AOPEP: variants seen among roughly 807,000 people sequenced by gnomAD.
The protein encoded by AOPEP is aminopeptidase O (putative), also known as aminopeptidase O.
AOPEP carries 77 observed loss-of-function variants against 98.1 expected under a neutral mutation model. The observed-to-expected ratio is 0.78, with a 90% confidence interval of 0.65 to 0.95. AOPEP has a LOEUF of 0.95. AOPEP is among the 40% of genes least tolerant of loss of function. The pLI is 0.00. For synonymous variants in AOPEP, 346 were observed against 365.3 expected, an observed-to-expected ratio of 0.95 and a Z score of 0.60; for missense variants, 1,024 against 1,024.7, an observed-to-expected ratio of 1.00 and a Z score of 0.01.
chr9:94,793,847 TC>T (rs1846316231), intron 4 of AOPEP, among the ~76,000 whole-genome samples: 1 of 152,242 alleles, frequency 6.6e-6, no homozygotes, highest in African/African-American at 2.4e-5. Context: ...ATTCAATGCC[TC>T]CTCTCCTCCC....
intron 5 of AOPEP, among the ~76,000 whole-genome samples, chr9:94,880,661 G>A (rs1360250211): frequency 6.6e-6 from 1 of 152,078 alleles, no homozygotes; most frequent in East Asian, 1.9e-4. Flanking sequence ...TGGTCCCATT[G>A]TTTCCATAAT....
At chr9:94,976,906 A>G (rs1307705204) in intron 10 of AOPEP, among the ~76,000 whole-genome samples, 1 of 151,996 alleles carries the variant, frequency 6.6e-6, no homozygotes, top group African/African-American at 2.4e-5. Flanking sequence ...GCCTCAAGTG[A>G]TCCTCCTGCC....
chr9:94,824,371 C>T (rs1350491115), intron 5 of AOPEP: 2 of 152,180 alleles, frequency 1.3e-5, no homozygotes, highest in South Asian at 4.1e-4. Context: ...GAGATGATTA[C>T]CATCGTTGTA....
intron 5 of AOPEP, among the ~76,000 whole-genome samples, chr9:94,823,752 A>G (rs911892726): frequency 6.6e-6 from 1 of 152,222 alleles, no homozygotes; most frequent in African/African-American, 2.4e-5. Context: ...AGAGTTTTAC[A>G]ATAGCCTCAG....
intron 13 of AOPEP, among the ~76,000 whole-genome samples, chr9:95,046,214 C>A (rs1303675014): frequency 6.6e-6 from 1 of 152,212 alleles, no homozygotes; most frequent in Non-Finnish European, 1.5e-5. Flanking sequence ...GAAATACTCT[C>A]AAGACCTTTT....
intron 13 of AOPEP, among the ~76,000 whole-genome samples, chr9:95,039,843 TGGCA>T (rs1380484965): frequency 6.6e-6 from 1 of 152,242 alleles, no homozygotes; most frequent in Non-Finnish European, 1.5e-5. Context: ...TGATTTGTGA[TGGCA>T]GACTAAGATT....
intron 11 of AOPEP, among the ~76,000 whole-genome samples, chr9:94,989,306 G>GT (rs1261199049): frequency 6.6e-6 from 1 of 152,080 alleles, no homozygotes; most frequent in Admixed American, 6.5e-5. Context: ...GTTTCACTGT[G>GT]TTAGCGAGGA....
intron 5 of AOPEP, among the ~76,000 whole-genome samples, chr9:94,911,372 C>T (rs2052008096): frequency 6.6e-6 from 1 of 152,258 alleles, no homozygotes; most frequent in Admixed American, 6.5e-5. Context: ...GTGGCATTCA[C>T]ATCCATGCTG....
At chr9:94,899,758 CAAACAA>C (rs1434485923) in intron 5 of AOPEP, among the ~76,000 whole-genome samples, 1 of 151,608 alleles carries the variant, frequency 6.6e-6, no homozygotes, top group Non-Finnish European at 1.5e-5. Flanking sequence ...TAAAAAAAAA[CAAACAA>C]AAACAAAAAT....
chr9:94,818,681 T>A (rs1194082893), intron 5 of AOPEP, among the ~76,000 whole-genome samples: 2 of 152,222 alleles, frequency 1.3e-5, no homozygotes, highest in African/African-American at 4.8e-5. Context: ...ATGTATTTTT[T>A]AGTTCCTTTT....
At chr9:95,110,247 A>C in the AOPEP span, 9 of 1,006,482 alleles carry the variant, frequency 8.9e-6, no homozygotes, top group Non-Finnish European at 9.5e-6. Flanking sequence ...TGAATAATTT[A>C]TTTCTTTATA....
At chr9:94,745,326 G>T (rs1161294792) in intron 1 of AOPEP, among the ~76,000 whole-genome samples, 1 of 151,436 alleles carries the variant, frequency 6.6e-6, no homozygotes, top group Non-Finnish European at 1.5e-5. Flanking sequence ...GCCTAGGCTG[G>T]AGTGCAATGG....
At chr9:94,776,871 C>T (rs1588154941) in intron 3 of AOPEP, among the ~76,000 whole-genome samples, 1 of 148,464 alleles carries the variant, frequency 6.7e-6, no homozygotes, top group African/African-American at 2.5e-5. Flanking sequence ...AGTATTTAGA[C>T]TTTCTTCATT....
At chr9:95,141,984 G>GTT in the AOPEP span, among the ~76,000 whole-genome samples, 30 of 97,754 alleles carry the variant, frequency 3.1e-4, no homozygotes, top group Middle Eastern at 5.4e-3. Flanking sequence ...CAGTTTGTGG[G>GTT]GTTTTTTTTT....
intron 5 of AOPEP, among the ~76,000 whole-genome samples, chr9:94,824,975 T>G (rs757655850): frequency 3.3e-5 from 5 of 150,654 alleles, no homozygotes; most frequent in Non-Finnish European, 7.4e-5. Context: ...CAACTTCAAG[T>G]TTTATATTAC....
intron 7 of AOPEP, among the ~76,000 whole-genome samples, chr9:94,946,748 G>A (rs1242701981): frequency 6.6e-6 from 1 of 152,136 alleles, no homozygotes; most frequent in Non-Finnish European, 1.5e-5. Flanking sequence ...ATGCCTGGGA[G>A]AACGTTCGCT....
chr9:95,005,890 G>T (rs113473540), intron 13 of AOPEP: 38 of 547,772 alleles, frequency 6.9e-5, no homozygotes, highest in African/African-American at 5.3e-4. Flanking sequence ...TATTATTTTA[G>T]ATCAGCAGTG....
chr9:94,922,089 A>ATTTTTT (rs2053698891), intron 5 of AOPEP, among the ~76,000 whole-genome samples: 1 of 152,056 alleles, frequency 6.6e-6, no homozygotes, highest in Non-Finnish European at 1.5e-5. Flanking sequence ...CAAGGGGAAA[A>ATTTTTT]AATGAAAGGG....
At chr9:94,864,461 G>A (rs1167241037) in intron 5 of AOPEP, among the ~76,000 whole-genome samples, 1 of 152,148 alleles carries the variant, frequency 6.6e-6, no homozygotes, top group African/African-American at 2.4e-5. Context: ...AAAAAAATGC[G>A]TTAAAAATTG....
Sources: allele counts gnomAD v4.1 joint callset (sites outside exome capture counted in the v4.1 genomes callset), GRCh38; gene constraint gnomAD v4.1.1; transcripts MANE v1.5; gene names NCBI Gene and HGNC (gene_info 2026-07-23, HGNC 2026-07-21).